B3GALT1: variants seen among roughly 807,000 people sequenced by gnomAD.
The protein encoded by B3GALT1 is UDP-Gal:betaGlcNAc beta 1,3-galactosyltransferase, polypeptide 1.
In B3GALT1, 10 loss-of-function variants were observed where a neutral mutation model predicts 23.2. That is an observed-to-expected ratio of 0.43 (90% CI 0.27 to 0.73). The LOEUF is 0.73. Ranked by LOEUF, B3GALT1 falls within the 30% of genes least tolerant of loss-of-function variation. The pLI is 0.21. For missense variants in B3GALT1, 299 were observed against 405.4 expected (o/e 0.74, Z 2.25); for synonymous variants, 156 against 141.5 (o/e 1.10, Z -0.73).
chr2:167,533,839 T>C (rs1218467191), intron 2 of B3GALT1, among the ~76,000 whole-genome samples: 2 of 152,190 alleles, frequency 1.3e-5, no homozygotes, highest in African/African-American at 2.4e-5. Flanking sequence ...AGTGAGTTAT[T>C]TTAGTGATAG....
At chr2:167,545,087 T>C (rs949449330) in intron 2 of B3GALT1, among the ~76,000 whole-genome samples, 2 of 123,428 alleles carry the variant, frequency 1.6e-5, no homozygotes, top group Non-Finnish European at 3.2e-5. Context: ...CAGGCTGGAG[T>C]GCAGTGGCAC....
chr2:167,741,187 G>T (rs180732371), intron 3 of B3GALT1, among the ~76,000 whole-genome samples: 3 of 151,772 alleles, frequency 2.0e-5, no homozygotes, highest in African/African-American at 7.2e-5. Flanking sequence ...GTAGGATGGT[G>T]AGGCAAAAAA....
intron 2 of B3GALT1, among the ~76,000 whole-genome samples, chr2:167,624,386 C>A (rs1685307260): frequency 6.6e-6 from 1 of 152,012 alleles, no homozygotes; most frequent in Non-Finnish European, 1.5e-5. Flanking sequence ...TGGTGAAGAA[C>A]AGGAAAGGAA....
At chr2:167,707,908 A>G (rs1474212706) in intron 3 of B3GALT1, among the ~76,000 whole-genome samples, 1 of 152,348 alleles carries the variant, frequency 6.6e-6, no homozygotes, top group African/African-American at 2.4e-5. Flanking sequence ...GATATTAGCC[A>G]GGGCACCACA....
intron 4 of B3GALT1, among the ~76,000 whole-genome samples, chr2:167,839,485 C>G (rs1302754864): frequency 1.3e-5 from 2 of 152,256 alleles, no homozygotes; most frequent in East Asian, 3.9e-4. Context: ...TGTGAAGGAC[C>G]TCTTCAAGGA....
chr2:167,429,677 A>G (rs530272436), intron 1 of B3GALT1, among the ~76,000 whole-genome samples: 1 of 152,232 alleles, frequency 6.6e-6, no homozygotes, highest in Non-Finnish European at 1.5e-5. Flanking sequence ...TGAAGAGACT[A>G]GATTTGGATT....
At position 167,324,313 on chromosome 2, in the gene B3GALT1, A is replaced by G. The variant is rs76992208; in HGVS notation, c.-511+30979A>G. ...TATTTATTTAAAATTTTCCAGGTAT[A>G]TAGATAGAAAATCTGTATCTTTGAA... On this transcript the variant is annotated intron_variant, in intron 1 of 4. Transcript: ENST00000392690. Among the ~76,000 whole-genome samples the G allele has an allele frequency of 3.2e-3, 482 of 152,114 alleles. 22 individuals are homozygous for G. The East Asian group carries it at 0.064, about 20-fold the overall frequency.
intron 3 of B3GALT1, among the ~76,000 whole-genome samples, chr2:167,765,824 AC>A (rs1452032825): frequency 3.3e-5 from 5 of 152,240 alleles, no homozygotes; most frequent in Non-Finnish European, 7.3e-5. Flanking sequence ...AGTGTATTAT[AC>A]CGATAAACCT....
chr2:167,470,651 C>T (rs76499074), intron 1 of B3GALT1, among the ~76,000 whole-genome samples: 1,766 of 151,874 alleles, frequency 0.012, 38 homozygotes, highest in African/African-American at 0.041. Flanking sequence ...TGAGATTGTC[C>T]CACCCCCATA....
intron 3 of B3GALT1, among the ~76,000 whole-genome samples, chr2:167,683,034 A>G (rs1238773441): frequency 2.6e-5 from 4 of 152,178 alleles, no homozygotes; most frequent in African/African-American, 4.8e-5. Context: ...CTAATGTATT[A>G]CTATTATGAT....
chr2:167,645,656 C>T (rs539329619), intron 2 of B3GALT1, among the ~76,000 whole-genome samples: 26 of 146,734 alleles, frequency 1.8e-4, no homozygotes, highest in African/African-American at 5.7e-4. Flanking sequence ...CAACCTCTGC[C>T]TCCCAGGTTC....
At chr2:167,762,301 A>G (rs151174542) in intron 3 of B3GALT1, among the ~76,000 whole-genome samples, 1 of 152,336 alleles carries the variant, frequency 6.6e-6, no homozygotes, top group African/African-American at 2.4e-5. Flanking sequence ...AGATTACTAG[A>G]CCAAGAATAT....
intron 3 of B3GALT1, among the ~76,000 whole-genome samples, chr2:167,769,822 A>G (rs1431210837): frequency 1.3e-5 from 2 of 152,184 alleles, no homozygotes; most frequent in East Asian, 3.9e-4. Context: ...GCTGAGGGAC[A>G]TTGGGTTTTT....
chr2:167,658,775 T>G (rs566082141), intron 3 of B3GALT1, among the ~76,000 whole-genome samples: 1 of 152,190 alleles, frequency 6.6e-6, no homozygotes, highest in South Asian at 2.1e-4. Context: ...AAAGGAGAAC[T>G]GATTATAGTG....
chr2:167,321,873 C>A (rs1275770997), intron 1 of B3GALT1, among the ~76,000 whole-genome samples: 1 of 151,988 alleles, frequency 6.6e-6, no homozygotes, highest in African/African-American at 2.4e-5. Context: ...ACTCCTCAGA[C>A]AATTTGTAAG....
At chr2:167,696,987 T>G (rs1686800540) in intron 3 of B3GALT1, among the ~76,000 whole-genome samples, 1 of 152,186 alleles carries the variant, frequency 6.6e-6, no homozygotes, top group Admixed American at 6.5e-5. Context: ...TTACTTTGCA[T>G]GCTGTCTTGA....
At chr2:167,321,032 GT>G (rs2105492840) in intron 1 of B3GALT1, among the ~76,000 whole-genome samples, 1 of 152,114 alleles carries the variant, frequency 6.6e-6, no homozygotes, top group African/African-American at 2.4e-5. Flanking sequence ...AATGAACTTT[GT>G]TTGAAAAGTT....
At chr2:167,562,011 A>C (rs1039688986) in intron 2 of B3GALT1, among the ~76,000 whole-genome samples, 2 of 152,204 alleles carry the variant, frequency 1.3e-5, no homozygotes, top group African/African-American at 2.4e-5. Flanking sequence ...CAAAAAAGAG[A>C]ATTTTAGACC....
intron 3 of B3GALT1, among the ~76,000 whole-genome samples, chr2:167,788,970 G>T (rs567370497): frequency 3.0e-4 from 45 of 152,218 alleles, no homozygotes; most frequent in South Asian, 1.0e-3. Flanking sequence ...AGGGTCAGTG[G>T]TCCCTTGGCA....
Sources: allele counts gnomAD v4.1 joint callset (sites outside exome capture counted in the v4.1 genomes callset), GRCh38; gene constraint gnomAD v4.1.1; transcripts MANE v1.5; gene names NCBI Gene and HGNC (gene_info 2026-07-23, HGNC 2026-07-21).